The following PEX5L variants were observed in gnomAD, a reference collection of about 807,000 sequenced individuals.
PEX5L encodes PEX5-related protein.
PEX5L carries 30 observed loss-of-function variants against 84.0 expected under a neutral mutation model. The observed-to-expected ratio is 0.36, with a 90% confidence interval of 0.27 to 0.48. PEX5L has a LOEUF of 0.48. PEX5L is among the 20% of genes least tolerant of loss of function. The pLI is 0.99. For missense variants in PEX5L, 533 were observed against 754.6 expected, an observed-to-expected ratio of 0.71 and a Z score of 3.44; for synonymous variants, 270 against 283.1, an observed-to-expected ratio of 0.95 and a Z score of 0.46.
At chr3:179,914,345 C>T (rs1246340997) in intron 2 of PEX5L, among the ~76,000 whole-genome samples, 2 of 152,218 alleles carry the variant, frequency 1.3e-5, no homozygotes, top group Admixed American at 6.5e-5. Flanking sequence ...CATTAAGTCT[C>T]TAGAGGTCCA....
chr3:179,959,460 ATC>A (rs958165857), intron 2 of PEX5L, among the ~76,000 whole-genome samples: 1 of 152,244 alleles, frequency 6.6e-6, no homozygotes, highest in African/African-American at 2.4e-5. Context: ...TGGTTATGTT[ATC>A]TCTGTGTTCC....
chr3:180,002,455 C>A (rs541909652), intron 1 of PEX5L, among the ~76,000 whole-genome samples: 1 of 152,048 alleles, frequency 6.6e-6, no homozygotes, highest in Admixed American at 6.5e-5. Flanking sequence ...TTGCATTTCC[C>A]TAACTATTAG....
chr3:179,802,663 G>A (rs895251406), intron 14 of PEX5L, among the ~76,000 whole-genome samples: 1 of 152,024 alleles, frequency 6.6e-6, no homozygotes, highest in Admixed American at 6.6e-5. Context: ...TCTGCTCTAG[G>A]AATGATTTGA....
rs150194186 is a variant in PEX5L, at chr3:180,024,775, T to C, written c.21+11804A>G. Among the ~76,000 whole-genome samples, 14 of 152,052 alleles carry C rather than the reference T, an allele frequency of 9.2e-5. 1 individual carries two copies. Among genetic ancestry groups the C allele is most frequent in the African/African-American group, 2.7e-4 (11 of 41,480 alleles). On this transcript the variant is annotated intron_variant, in intron 1 of 14. Coordinates refer to ENST00000467460, the MANE Select transcript of PEX5L (RefSeq NM_016559.3). ...GGTATAAGCAACCCTTACAACAGGG[T>C]ATAAGCAAATGACAGCCTCCGACAG...
rs141216924 is a variant in PEX5L at position 179,828,539 on chromosome 3, T to C, written c.823-8563A>G. Among the ~76,000 whole-genome samples, 1,349 of 152,278 alleles carry C rather than the reference T, an allele frequency of 8.9e-3. 12 individuals carry two copies. The highest frequency in any genetic ancestry group is 0.014 in the Non-Finnish European group (942 of 68,014). ...CAACTGAGTTTGCAATTTCTGGACA[T>C]AAGGAAACAGGTTCCTTACTGTGTA... On this transcript the variant is annotated intron_variant, in intron 8 of 14. Transcript: ENST00000467460.
intron 2 of PEX5L, among the ~76,000 whole-genome samples, chr3:179,910,746 G>A (rs1243143472): frequency 6.6e-6 from 1 of 152,148 alleles, no homozygotes; most frequent in Admixed American, 6.5e-5. Context: ...CCTGGGAGTG[G>A]CAGAATATTT....
intron 1 of PEX5L, among the ~76,000 whole-genome samples, chr3:179,990,985 C>G (rs1377275974): frequency 1.3e-5 from 2 of 152,124 alleles, no homozygotes; most frequent in Admixed American, 6.5e-5. Flanking sequence ...TATAATACCC[C>G]CAATGGACAC....
At chr3:179,896,564 A>G (rs1305183617) in intron 3 of PEX5L, among the ~76,000 whole-genome samples, 1 of 152,138 alleles carries the variant, frequency 6.6e-6, no homozygotes. Context: ...TATAATGGTA[A>G]TTTTGGACAT....
intron 3 of PEX5L, among the ~76,000 whole-genome samples, chr3:179,895,191 T>G (rs1409975628): frequency 1.3e-5 from 2 of 152,132 alleles, no homozygotes; most frequent in Non-Finnish European, 2.9e-5. Flanking sequence ...ATCCAAAATA[T>G]TACCATTTCA....
rs975409323 is a variant in PEX5L, at chr3:179,800,836, G to A, written c.*992C>T. ...AAGGAATATTGGTGTGCAGGGCAAA[G>A]CCAGTAAAGTATGACACTTAAGCAA... On this transcript the variant is annotated 3_prime_UTR_variant, in exon 15 of 15. Transcript: ENST00000467460. 1 of 152,186 alleles carries A rather than the reference G, an allele frequency of 6.6e-6. No homozygotes were observed. Among genetic ancestry groups the A allele is most frequent in the Non-Finnish European group, 1.5e-5 (1 of 68,026 alleles). The allele number at this position is 152,186 out of a possible 1,614,324, so 9.4% of individuals were successfully genotyped here.
At chr3:179,854,510 C>A (rs1367693107) in intron 8 of PEX5L, among the ~76,000 whole-genome samples, 4 of 152,092 alleles carry the variant, frequency 2.6e-5, no homozygotes, top group Non-Finnish European at 5.9e-5. Context: ...ACATCAAGAC[C>A]AAGACAATTA....
chr3:180,015,445 G>C (rs1466995009), intron 1 of PEX5L, among the ~76,000 whole-genome samples: 1 of 152,120 alleles, frequency 6.6e-6, no homozygotes, highest in Non-Finnish European at 1.5e-5. Flanking sequence ...TAGTATAACA[G>C]AAGAAAAATG....
At chr3:179,968,505 C>T (rs1016667225) in intron 2 of PEX5L, among the ~76,000 whole-genome samples, 1 of 151,996 alleles carries the variant, frequency 6.6e-6, no homozygotes, top group African/African-American at 2.4e-5. Flanking sequence ...ATTTATTTTA[C>T]AAAGACAAAT....
intron 8 of PEX5L, among the ~76,000 whole-genome samples, chr3:179,821,931 TATG>T (rs1728668574): frequency 6.6e-6 from 1 of 152,250 alleles, no homozygotes; most frequent in Non-Finnish European, 1.5e-5. Flanking sequence ...CTGAATTTTC[TATG>T]ATGAGCATAC....
At position 179,797,086 on chromosome 3, in the gene PEX5L, C is replaced by A. The variant is rs969153803; in HGVS notation, c.*4742G>T. On this transcript the variant is annotated 3_prime_UTR_variant, in exon 15 of 15. Transcript: ENST00000467460. ...AAATGCATTATTAAGAATTTAAAGT[C>A]GAAACCTTTATGTGCTGAGGCAGTC... The A allele has an allele frequency of 6.6e-6, 1 of 151,460 alleles. No individual in the cohort carries two copies. Among genetic ancestry groups the A allele is most frequent in the Non-Finnish European group, 1.5e-5 (1 of 67,668 alleles). The allele number at this position is 151,460 out of a possible 1,614,324, so 9.4% of individuals were successfully genotyped here. A position where few individuals can be genotyped will look rare whatever the true frequency, so the allele number is the denominator to read the frequency against.
intron 10 of PEX5L, among the ~76,000 whole-genome samples, chr3:179,815,458 A>C (rs1290246601): frequency 6.6e-6 from 1 of 152,196 alleles, no homozygotes; most frequent in Non-Finnish European, 1.5e-5. Flanking sequence ...GGTGACAGGC[A>C]CCTGTAATCT....
rs1321613019 is a variant in PEX5L at position 179,815,241 on chromosome 3, C to CCAGACA, written c.1083+614_1083+619dup. ...GGTGATGTACAGTGTGACACAAGAG[C>CCAGACA]CAGACATCACTATATACTGTCCCTT... is the stretch of plus-strand genomic sequence containing the variant. On this transcript the variant is annotated intron_variant, in intron 10 of 14. Coordinates refer to ENST00000467460, the MANE Select transcript of PEX5L (RefSeq NM_016559.3). 1.9e-4 allele frequency among the ~76,000 whole-genome samples: 29 copies of CCAGACA among 152,318 alleles called. 2 individuals carry two copies. The East Asian group carries it at 5.2e-3, about 27-fold the overall frequency.
intron 2 of PEX5L, among the ~76,000 whole-genome samples, chr3:179,934,388 A>G (rs150884269): frequency 1.3e-5 from 2 of 152,248 alleles, no homozygotes; most frequent in African/African-American, 4.8e-5. Flanking sequence ...AGTGAGAACT[A>G]TCATTTATGA....
chr3:179,888,951 T>G (rs1231657962), intron 3 of PEX5L, among the ~76,000 whole-genome samples: 1 of 151,808 alleles, frequency 6.6e-6, no homozygotes, highest in Non-Finnish European at 1.5e-5. Flanking sequence ...ATTTTAAATT[T>G]ATTTTTATAG....
Sources: gnomAD v4.1 joint callset for allele counts (sites outside exome capture counted in the v4.1 genomes callset) on GRCh38, gnomAD v4.1.1 for gene constraint, MANE v1.5 for transcripts, NCBI Gene and HGNC (gene_info 2026-07-23, HGNC 2026-07-21) for gene names.